HIF1AN: variants seen among roughly 807,000 people sequenced by gnomAD.
HIF1AN encodes the protein hypoxia-inducible factor 1-alpha inhibitor.
In HIF1AN, 21 loss-of-function variants were observed where a neutral mutation model predicts 47.7. The ratio of observed to expected loss-of-function variants is 0.44; its 90% CI spans 0.31 to 0.63. The LOEUF (loss-of-function observed/expected upper bound fraction) is 0.63, where lower values mean the gene tolerates loss of function less well. Among genes scored for constraint, HIF1AN ranks in the 30% least tolerant of loss-of-function variants. The pLI, the probability that HIF1AN is intolerant of heterozygous loss-of-function variation, is 0.07. For missense variants in HIF1AN, 320 were observed against 432.7 expected, an observed-to-expected ratio of 0.74 and a Z score of 2.31; for synonymous variants, 152 against 155.9, an observed-to-expected ratio of 0.98 and a Z score of 0.18.
rs368415402 is a variant in HIF1AN at position 100,540,438 on chromosome 10, G to A, written c.429-196G>A. 1.2e-3 allele frequency among the ~76,000 whole-genome samples: 182 copies of A among 152,092 alleles called. 4 individuals carry two copies. The South Asian group carries it at 0.036, about 30-fold the overall frequency. On this transcript the variant is annotated intron_variant, in intron 2 of 7. Transcript: ENST00000299163. ...AAACCAGTAAATTAAAAAATTTGGT[G>A]TTGAACATAACTCAATGAAGGATAA...
At position 100,546,566 on chromosome 10, in the gene HIF1AN, G is replaced by A. The variant is rs1466679649; in HGVS notation, c.879G>A (p.Val293=). Residue 293 remains valine (V), a synonymous_variant, in exon 6 of 8, where the codon GTG becomes GTA. Coordinates refer to ENST00000299163, the MANE Select transcript of HIF1AN (RefSeq NM_017902.3). Reference sequence around the variant, plus strand: ...TAAATGGGGGGATTACCATCACTGTGAACTTCTGGTATAAGGTGAATATGG... The same window carrying A: ...TAAATGGGGGGATTACCATCACTGTAAACTTCTGGTATAAGGTGAATATGG... ...SLLNGGITIT[V]NFWYKGAPTP... is the part of the protein sequence containing the mutation. 2 of 1,613,372 alleles carry A rather than the reference G, an allele frequency of 1.2e-6. No homozygotes were observed. The highest frequency in any genetic ancestry group is 4.5e-5 in the East Asian group (2 of 44,856).
rs999198113 is a variant in HIF1AN, at chr10:100,547,277, G to T, written c.1005+27G>T. 7.4e-6 allele frequency: 11 copies of T among 1,479,656 alleles called. No homozygotes were observed. In the Admixed American group the frequency reaches 1.0e-4, roughly 14 times the overall value. The allele number at this position is 1,479,656 out of a possible 1,614,324, so 91.7% of individuals were successfully genotyped here. On this transcript the variant is annotated intron_variant, in intron 7 of 7. Transcript: ENST00000299163. The stretch of plus-strand genomic sequence containing the variant: ...TAGGTGACTGCCCCAAGGTGGCTCA[G>T]TGGGTGGGTTGACCAAGGAAAGTCA...
chr10:100,556,712 A>G lies in HIF1AN; in HGVS notation c.*8575A>G, dbSNP rs1444298697. On this transcript the variant is annotated 3_prime_UTR_variant, in exon 8 of 8. Transcript: ENST00000299163. ...CTTTGGAGGTGACTCCTGGGTTTGA[A>G]TCACCATTTGCCACTAGCTAATTCT... 6.6e-6 allele frequency: 1 copy of G among 152,242 alleles called. No individual in the cohort carries two copies. Among genetic ancestry groups the G allele is most frequent in the African/African-American group, 2.4e-5 (1 of 41,472 alleles). 9.4% of individuals were successfully genotyped at this position (152,242 alleles called of 1,614,324 possible). A position where few individuals can be genotyped will look rare whatever the true frequency, so the allele number is the denominator to read the frequency against.
intron 3 of HIF1AN, among the ~76,000 whole-genome samples, chr10:100,543,717 G>A (rs1321271760): frequency 1.3e-5 from 2 of 152,108 alleles, no homozygotes; most frequent in Non-Finnish European, 2.9e-5. Context: ...GACTGTAGGC[G>A]CCCGCCACCA....
At chr10:100,538,072 T>C (rs1346489900) in intron 2 of HIF1AN, among the ~76,000 whole-genome samples, 1 of 152,244 alleles carries the variant, frequency 6.6e-6, no homozygotes, top group Non-Finnish European at 1.5e-5. Flanking sequence ...TGAATGAACA[T>C]ATACCCAAGA....
chr10:100,540,896 G>T (rs2133723461), intron 3 of HIF1AN, 114 bp downstream of exon 3: 1 of 955,272 alleles, frequency 1.0e-6, no homozygotes, highest in South Asian at 1.8e-5. Context: ...ACTTTCTTAA[G>T]CCTCAGCCTA....
At chr10:100,537,000 A>AGTGAT (rs1489761733) in intron 2 of HIF1AN, among the ~76,000 whole-genome samples, 1 of 152,312 alleles carries the variant, frequency 6.6e-6, no homozygotes, top group African/African-American at 2.4e-5. Context: ...GTGTGAAATC[A>AGTGAT]GTGATGAGGC....
intron 2 of HIF1AN, among the ~76,000 whole-genome samples, chr10:100,539,694 G>A (rs575833609): frequency 6.6e-6 from 1 of 152,284 alleles, no homozygotes; most frequent in South Asian, 2.1e-4. Flanking sequence ...AATTACAGTT[G>A]GAAACAACAC....
rs200566463 is a variant in HIF1AN, at chr10:100,538,908, T to TC, written c.429-1726_429-1725insC. 9.7e-3 allele frequency among the ~76,000 whole-genome samples: 934 copies of TC among 95,842 alleles called. 12 individuals carry two copies. Among genetic ancestry groups the TC allele is most frequent in the African/African-American group, 0.029 (819 of 27,848 alleles). 62.9% of individuals were successfully genotyped at this position (95,842 alleles called of 152,430 possible). ...GATGAGATGCCTTTGAACCTTTCTT[T>TC]TTTTTTTTTTTTTTTGAGACAGGGT... On this transcript the variant is annotated intron_variant, in intron 2 of 7. Coordinates refer to ENST00000299163, the MANE Select transcript of HIF1AN (RefSeq NM_017902.3).
Position 100,536,146 on chromosome 10 carries a change from G to A in HIF1AN, c.177+11G>A, listed in dbSNP as rs766955833. On this transcript the variant is annotated intron_variant, in intron 1 of 7. Coordinates refer to ENST00000299163, the MANE Select transcript of HIF1AN (RefSeq NM_017902.3). ...CTTATTGAGAATGAGGTGGGGGGCGGGGCCGCGTCTAAAGGGAGAGGAGGA... is the reference window on the plus strand; with the variant it reads ...CTTATTGAGAATGAGGTGGGGGGCGAGGCCGCGTCTAAAGGGAGAGGAGGA... The A allele has an allele frequency of 1.1e-5, 17 of 1,583,222 alleles. No homozygotes were observed. The highest frequency in any genetic ancestry group is 1.5e-5 in the Non-Finnish European group (17 of 1,164,404).
rs1426736011 is a variant in HIF1AN at position 100,551,408 on chromosome 10, C to T, written c.*3271C>T. 1.3e-5 allele frequency: 2 copies of T among 152,182 alleles called. No individual in the cohort carries two copies. The highest frequency in any genetic ancestry group is 2.9e-5 in the Non-Finnish European group (2 of 68,018). The allele number at this position is 152,182 out of a possible 1,614,324, so 9.4% of individuals were successfully genotyped here. A position where few individuals can be genotyped will look rare whatever the true frequency, so the allele number is the denominator to read the frequency against. On this transcript the variant is annotated 3_prime_UTR_variant, in exon 8 of 8. Transcript: ENST00000299163. The stretch of plus-strand genomic sequence containing the variant: ...AAGGATCCTTATCAGTGGGCCAGCC[C>T]AGTATGGGGAGACACTCCCTCCCTC...
chr10:100,546,613 A>G (rs1363577215), intron 6 of HIF1AN, 32 bp downstream of exon 6: 3 of 1,544,034 alleles, frequency 1.9e-6, no homozygotes, highest in Admixed American at 1.7e-5. Flanking sequence ...TGTTTTTTCC[A>G]GATGGAACTG....
Position 100,556,623 on chromosome 10 carries a change from A to C in HIF1AN, c.*8486A>C, listed in dbSNP as rs1344546648. The C allele has an allele frequency of 6.6e-6, 1 of 152,200 alleles. No homozygotes were observed. The highest frequency in any genetic ancestry group is 1.5e-5 in the Non-Finnish European group (1 of 68,032). The allele number at this position is 152,200 out of a possible 1,614,324, so 9.4% of individuals were successfully genotyped here. A position where few individuals can be genotyped will look rare whatever the true frequency, so the allele number is the denominator to read the frequency against. On this transcript the variant is annotated 3_prime_UTR_variant, in exon 8 of 8. Transcript: ENST00000299163. The stretch of plus-strand genomic sequence containing the variant: ...TTTGATCATATTTGAACAAAACCCC[A>C]CCTACAGTCTGCATGGTCATTGTTC...
At chr10:100,539,904 C>G (rs1367895930) in intron 2 of HIF1AN, among the ~76,000 whole-genome samples, 1 of 152,200 alleles carries the variant, frequency 6.6e-6, no homozygotes, top group African/African-American at 2.4e-5. Flanking sequence ...ATTCATCATT[C>G]TAGGGTCTGT....
At position 100,548,220 on chromosome 10, in the gene HIF1AN, G is replaced by C. The variant is rs756020290; in HGVS notation, c.*83G>C. On this transcript the variant is annotated 3_prime_UTR_variant, in exon 8 of 8. Coordinates refer to ENST00000299163, the MANE Select transcript of HIF1AN (RefSeq NM_017902.3). ...TTGATGAGGACAGGAGACTCCAAGC[G>C]CTAGTATTGCACGCTGCACTTAATG... is the stretch of plus-strand genomic sequence containing the variant. 2.5e-6 allele frequency: 3 copies of C among 1,209,414 alleles called. No homozygotes were observed. Among genetic ancestry groups the C allele is most frequent in the African/African-American group, 1.5e-5 (1 of 65,582 alleles). The allele number at this position is 1,209,414 out of a possible 1,614,324, so 74.9% of individuals were successfully genotyped here.
Position 100,555,396 on chromosome 10 carries a change from A to C in HIF1AN, c.*7259A>C, listed in dbSNP as rs1188510264. ...CCCTGCCAGACCCTACTTGGAAGAA[A>C]TGTTGAATCAAGCTACTCAGACTTC... On this transcript the variant is annotated 3_prime_UTR_variant, in exon 8 of 8. Transcript: ENST00000299163. 6.6e-6 allele frequency: 1 copy of C among 152,252 alleles called. No homozygotes were observed. Among genetic ancestry groups the C allele is most frequent in the African/African-American group, 2.4e-5 (1 of 41,454 alleles). The allele number at this position is 152,252 out of a possible 1,614,324, so 9.4% of individuals were successfully genotyped here. A position where few individuals can be genotyped will look rare whatever the true frequency, so the allele number is the denominator to read the frequency against.
chr10:100,553,626 G>A lies in HIF1AN; in HGVS notation c.*5489G>A, dbSNP rs933379430. 3 of 152,206 alleles carry A rather than the reference G, an allele frequency of 2.0e-5. No individual in the cohort carries two copies. Among genetic ancestry groups the A allele is most frequent in the Non-Finnish European group, 4.4e-5 (3 of 68,040 alleles). 9.4% of individuals were successfully genotyped at this position (152,206 alleles called of 1,614,324 possible). A position where few individuals can be genotyped will look rare whatever the true frequency, so the allele number is the denominator to read the frequency against. On this transcript the variant is annotated 3_prime_UTR_variant, in exon 8 of 8. Transcript: ENST00000299163. ...TCTCATATTTTGGGAAGGAGCATAT[G>A]TCCTTTAACTTTCAATGGTAAACAA...
In HIF1AN at chr10:100,550,381, G is replaced by C. The variant is rs1843145781; in HGVS notation, c.*2244G>C. ...TTGTTCCTCACTATCCTGCAAGGTA[G>C]GTATTCTCACTTACAGATGAATAAA... On this transcript the variant is annotated 3_prime_UTR_variant, in exon 8 of 8. Transcript: ENST00000299163. 6.6e-6 allele frequency: 1 copy of C among 152,222 alleles called. No individual in the cohort carries two copies. Among genetic ancestry groups the C allele is most frequent in the Non-Finnish European group, 1.5e-5 (1 of 68,044 alleles). The allele number at this position is 152,222 out of a possible 1,614,324, so 9.4% of individuals were successfully genotyped here.
rs903221950 is a variant in HIF1AN at position 100,551,472 on chromosome 10, T to G, written c.*3335T>G. Reference sequence around the variant, plus strand: ...TCCTGGGCTACATCCTCTTTCAGTATTGCCACAAGTGGGCAGAGCTTGTAT... The same window carrying G: ...TCCTGGGCTACATCCTCTTTCAGTAGTGCCACAAGTGGGCAGAGCTTGTAT... On this transcript the variant is annotated 3_prime_UTR_variant, in exon 8 of 8. Transcript: ENST00000299163. 6.6e-6 allele frequency: 1 copy of G among 152,218 alleles called. No individual in the cohort carries two copies. The highest frequency in any genetic ancestry group is 1.5e-5 in the Non-Finnish European group (1 of 68,040). 9.4% of individuals were successfully genotyped at this position (152,218 alleles called of 1,614,324 possible).
Sources: allele counts gnomAD v4.1 joint callset (sites outside exome capture counted in the v4.1 genomes callset), GRCh38; gene constraint gnomAD v4.1.1; transcripts MANE v1.5; gene names NCBI Gene and HGNC (gene_info 2026-07-23, HGNC 2026-07-21).